The following UFD1 variants were observed in gnomAD, a reference collection of about 807,000 sequenced individuals.
UFD1 encodes the protein ubiquitin recognition factor in ER-associated degradation protein 1.
In UFD1, 13 loss-of-function variants were observed where a neutral mutation model predicts 45.9. The observed-to-expected ratio is 0.28, with a 90% CI of 0.18 to 0.45. The LOEUF is 0.45. UFD1 is among the 20% of genes least tolerant of loss of function. The pLI is 1.00. For missense variants in UFD1, 218 were observed against 389.2 expected, an observed-to-expected ratio of 0.56 and a Z score of 3.70; for synonymous variants, 128 against 139.2, an observed-to-expected ratio of 0.92 and a Z score of 0.56.
At chr22:19,474,282 C>T (rs953918076) in intron 3 of UFD1, among the ~76,000 whole-genome samples, 3 of 152,124 alleles carry the variant, frequency 2.0e-5, no homozygotes, top group Admixed American at 6.6e-5. Flanking sequence ...TGGTGGTTCA[C>T]GCCTATAATC....
intron 4 of UFD1, among the ~76,000 whole-genome samples, chr22:19,468,308 C>T (rs1257436479): frequency 6.6e-6 from 1 of 152,176 alleles, no homozygotes; most frequent in African/African-American, 2.4e-5. Flanking sequence ...CTGGAATAGT[C>T]ACTCACTGTA....
rs757401149 is a variant in UFD1, at chr22:19,463,931, T to C, written c.495+1271A>G. ...TCCTTTATCATCAGTTTAGGAGTTA[T>C]ATGTAGTATTACTACCTTAACATTA... On this transcript the variant is annotated intron_variant, in intron 6 of 11. Transcript: ENST00000263202. Among the ~76,000 whole-genome samples, 2 of 152,214 alleles carry C rather than the reference T, an allele frequency of 1.3e-5. 1 individual carries two copies. Among genetic ancestry groups the C allele is most frequent in the Non-Finnish European group, 2.9e-5 (2 of 68,040 alleles).
intron 6 of UFD1, among the ~76,000 whole-genome samples, chr22:19,458,767 A>C (rs2089743260): frequency 6.6e-6 from 1 of 152,208 alleles, no homozygotes; most frequent in African/African-American, 2.4e-5. Flanking sequence ...TAAGTAAATA[A>C]CTAGCTATAC....
chr22:19,456,445 G>A, intron 9 of UFD1, 142 bp downstream of exon 9: 1 of 1,083,246 alleles, frequency 9.2e-7, no homozygotes, highest in Admixed American at 1.9e-5. Flanking sequence ...CTGAGCGAGT[G>A]GCAGATTTGC....
At chr22:19,478,985 GC>G (rs1389146702) in intron 1 of UFD1, 97 bp downstream of exon 1, 2 of 1,485,234 alleles carry the variant, frequency 1.3e-6, no homozygotes, top group African/African-American at 2.9e-5. Context: ...GGGTGACTCG[GC>G]ACCTCCGCCG....
At chr22:19,469,990 T>C (rs777573006) in intron 4 of UFD1, 5 of 518,634 alleles carry the variant, frequency 9.6e-6, no homozygotes, top group Admixed American at 7.8e-5. Flanking sequence ...CACCTCCTCT[T>C]ATAGGTGAGC....
intron 1 of UFD1, among the ~76,000 whole-genome samples, chr22:19,475,860 C>A (rs911742270): frequency 6.6e-6 from 1 of 152,164 alleles, no homozygotes; most frequent in Non-Finnish European, 1.5e-5. Context: ...TACTGACAGC[C>A]CCACAGACTC....
chr22:19,458,143 TG>T lies in UFD1; in HGVS notation c.496-5del. On this transcript the variant is annotated splice_polypyrimidine_tract_variant and splice_region_variant and intron_variant, in intron 6 of 11. Coordinates refer to ENST00000263202, the MANE Select transcript of UFD1 (RefSeq NM_005659.7). ...CCATCACACGCAGTTCGTAGATCTG[TG>T]GGGCAAACACAGAAATCAGTTGGAT... The T allele has an allele frequency of 6.2e-7, 1 of 1,613,944 alleles. No homozygotes were observed. The highest frequency in any genetic ancestry group is 8.5e-7 in the Non-Finnish European group (1 of 1,179,874).
At chr22:19,462,364 C>G (rs1329073745) in intron 6 of UFD1, among the ~76,000 whole-genome samples, 1 of 152,160 alleles carries the variant, frequency 6.6e-6, no homozygotes, top group African/African-American at 2.4e-5. Context: ...CTAAACAACT[C>G]TCTCAAGAGA....
chr22:19,475,384 A>C (rs2089874086), intron 2 of UFD1, 86 bp downstream of exon 2: 2 of 1,556,296 alleles, frequency 1.3e-6, no homozygotes, highest in African/African-American at 2.7e-5. Flanking sequence ...TCTGACTCCC[A>C]CATGCAAAGT....
intron 4 of UFD1, 102 bp downstream of exon 4, chr22:19,471,585 A>G: frequency 6.7e-7 from 1 of 1,497,236 alleles, no homozygotes; most frequent in Non-Finnish European, 9.0e-7. Context: ...GCTGAGCAGG[A>G]GGAGTAGGCG....
In UFD1 at chr22:19,461,815, G is replaced by GT. The variant is rs201455128; in HGVS notation, c.495+3386dup. Reference sequence around the variant, plus strand: ...GGCTATACAATTATTTAGGCTGTTTGTTTTTTTTTTTCTTTAGTCAAACTT... The same window carrying GT: ...GGCTATACAATTATTTAGGCTGTTTGTTTTTTTTTTTTCTTTAGTCAAACTT... On this transcript the variant is annotated intron_variant, in intron 6 of 11. Coordinates refer to ENST00000263202, the MANE Select transcript of UFD1 (RefSeq NM_005659.7). Among the ~76,000 whole-genome samples, 156 of 143,108 alleles carry GT rather than the reference G, an allele frequency of 1.1e-3. 1 individual carries two copies. Among genetic ancestry groups the GT allele is most frequent in the African/African-American group, 1.6e-3 (61 of 39,172 alleles). The allele number at this position is 143,108 out of a possible 152,430, so 93.9% of individuals were successfully genotyped here. A position where few individuals can be genotyped will look rare whatever the true frequency, so the allele number is the denominator to read the frequency against.
Position 19,475,579 on chromosome 22 carries a change from G to T in UFD1, c.27C>A (p.His9Gln). 6.2e-7 allele frequency: 1 copy of T among 1,614,198 alleles called. No homozygotes were observed. Among genetic ancestry groups the T allele is most frequent in the South Asian group, 1.1e-5 (1 of 91,088 alleles). Residue 9 changes from histidine (H) to glutamine (Q), a missense_variant, in exon 2 of 12, where the codon CAC becomes CAA. Coordinates refer to ENST00000263202, the MANE Select transcript of UFD1 (RefSeq NM_005659.7). ...GGTTTTGGAAGACCCTGGGAATAGG[G>T]TGGTCGAACATGTTGAAAGAGAACT... MFSFNMFD[H>Q]PIPRVFQNRF... is the part of the protein sequence containing the mutation.
intron 10 of UFD1, among the ~76,000 whole-genome samples, chr22:19,455,477 G>A (rs1250742007): frequency 2.0e-5 from 3 of 152,094 alleles, no homozygotes; most frequent in African/African-American, 7.2e-5. Flanking sequence ...GAGAGAGGCT[G>A]GACCACAGTG....
At chr22:19,475,687 C>A in intron 1 of UFD1, 85 bp from the exon 2 acceptor site, 1 of 1,456,700 alleles carries the variant, frequency 6.9e-7, no homozygotes, top group South Asian at 1.2e-5. Flanking sequence ...GTAATTAATG[C>A]TACTAAACAT....
intron 1 of UFD1, among the ~76,000 whole-genome samples, chr22:19,478,004 A>T (rs1236742202): frequency 6.6e-6 from 1 of 152,238 alleles, no homozygotes; most frequent in Non-Finnish European, 1.5e-5. Context: ...CAAGGCCAGA[A>T]CAGGGTAGGG....
intron 11 of UFD1, chr22:19,453,567 C>T: frequency 1.0e-6 from 1 of 985,516 alleles, no homozygotes; most frequent in Non-Finnish European, 1.2e-6. Context: ...GTGAGAAAGG[C>T]AGCCTGTAGC....
intron 1 of UFD1, chr22:19,478,811 G>A: frequency 2.0e-6 from 1 of 512,172 alleles, no homozygotes; most frequent in South Asian, 2.7e-5. Flanking sequence ...GGAAACCCGT[G>A]AATGGACACA....
chr22:19,464,892 T>C (rs2089790736), intron 6 of UFD1, among the ~76,000 whole-genome samples: 3 of 152,192 alleles, frequency 2.0e-5, no homozygotes, highest in Admixed American at 6.5e-5. Flanking sequence ...AGGGCTTAGC[T>C]CAGATTAGAG....
Sources: allele counts gnomAD v4.1 joint callset (sites outside exome capture counted in the v4.1 genomes callset), GRCh38; gene constraint gnomAD v4.1.1; transcripts MANE v1.5; gene names NCBI Gene and HGNC (gene_info 2026-07-23, HGNC 2026-07-21).